The following RYR2 variants were observed in gnomAD, a reference collection of about 807,000 sequenced individuals.
RYR2 encodes the protein ryanodine receptor 2.
Under a neutral mutation model 601.1 loss-of-function variants are expected in RYR2, and 227 were observed. That is an observed-to-expected ratio of 0.38 (90% confidence interval 0.34 to 0.42). The LOEUF (loss-of-function observed/expected upper bound fraction) is 0.42. RYR2 is among the 10% of genes least tolerant of loss of function. The pLI, the probability that RYR2 is intolerant of heterozygous loss-of-function variation, is 1.00. For synonymous variants in RYR2, 2,223 were observed against 2,175.1 expected (o/e 1.02, Z -0.61); for missense variants, 4,646 against 6,156.5 (o/e 0.75, Z 8.21).
At chr1:237,669,083 C>G (rs547961289) in intron 58 of RYR2, among the ~76,000 whole-genome samples, 40 of 148,838 alleles carry the variant, frequency 2.7e-4, no homozygotes, top group East Asian at 1.2e-3. Flanking sequence ...TGACTCTTAA[C>G]GAGCATGCTG....
intron 89 of RYR2, 75 bp downstream of exon 89, chr1:237,781,721 G>A: frequency 1.4e-6 from 1 of 695,630 alleles, no homozygotes; most frequent in Non-Finnish European, 2.4e-6. Flanking sequence ...TGGAATCAGA[G>A]TGTAGCATAG....
intron 1 of RYR2, among the ~76,000 whole-genome samples, chr1:237,149,677 G>A (rs995722691): frequency 6.6e-6 from 1 of 152,168 alleles, no homozygotes; most frequent in Non-Finnish European, 1.5e-5. Context: ...TTACCACAAT[G>A]TATTTGATTA....
intron 1 of RYR2, among the ~76,000 whole-genome samples, chr1:237,198,757 C>T (rs1451116248): frequency 6.6e-5 from 10 of 151,746 alleles, no homozygotes; most frequent in East Asian, 3.9e-4. Flanking sequence ...TTGAAATCCA[C>T]AATTTTTAGG....
Position 237,761,044 on chromosome 1 carries a change from A to T in RYR2, c.11476+16A>T. The T allele has an allele frequency of 6.8e-7, 1 of 1,468,212 alleles. No individual in the cohort carries two copies. The highest frequency in any genetic ancestry group is 9.4e-7 in the Non-Finnish European group (1 of 1,066,534). 90.9% of individuals were successfully genotyped at this position (1,468,212 alleles called of 1,614,324 possible). ...GAAGGATCAGGTATTAATGACTTAC[A>T]TTAAAAGGATCACCTGTCTCCCTTC... is the stretch of plus-strand genomic sequence containing the variant. On this transcript the variant is annotated intron_variant, in intron 84 of 104. Transcript: ENST00000366574.
chr1:237,709,604 T>C, intron 70 of RYR2, 37 bp downstream of exon 70: 1 of 1,307,990 alleles, frequency 7.6e-7, no homozygotes, highest in Admixed American at 1.9e-5. Flanking sequence ...CGCCTACTGT[T>C]TGTAGGCACC....
Position 237,742,450 on chromosome 1 carries a change from G to A in RYR2, c.11145+101G>A, listed in dbSNP as rs559890909. ...GTTTCTTGCTTCATGGCTTATTGCA[G>A]CTTATTGTGTCAAGGAACTGCATGT... On this transcript the variant is annotated intron_variant, in intron 80 of 104. Transcript: ENST00000366574. 38 of 894,316 alleles carry A rather than the reference G, an allele frequency of 4.2e-5. No individual in the cohort carries two copies. In the East Asian group the frequency reaches 9.5e-4, roughly 22 times the overall value. 55.4% of individuals were successfully genotyped at this position (894,316 alleles called of 1,614,324 possible). A position where few individuals can be genotyped will look rare whatever the true frequency, so the allele number is the denominator to read the frequency against.
intron 1 of RYR2, among the ~76,000 whole-genome samples, chr1:237,198,715 G>A (rs934445583): frequency 3.9e-5 from 6 of 151,930 alleles, no homozygotes; most frequent in African/African-American, 1.5e-4. Context: ...ATTCAGCAAA[G>A]GTCAGAATCT....
chr1:237,239,225 G>A (rs913819683), intron 1 of RYR2, among the ~76,000 whole-genome samples: 4 of 152,060 alleles, frequency 2.6e-5, no homozygotes, highest in African/African-American at 9.7e-5. Context: ...GTTTGTCTGG[G>A]GTAATACCCG....
At chr1:237,770,022 C>T (rs1694150375) in intron 84 of RYR2, among the ~76,000 whole-genome samples, 1 of 151,986 alleles carries the variant, frequency 6.6e-6, no homozygotes, top group African/African-American at 2.4e-5. Flanking sequence ...TCTCCTTGCC[C>T]CAAAAATATT....
chr1:237,175,692 G>A lies in RYR2; in HGVS notation c.49-94805G>A, dbSNP rs1349453564. Among the ~76,000 whole-genome samples, 6 of 152,224 alleles carry A rather than the reference G, an allele frequency of 3.9e-5. No homozygotes were observed. In the East Asian group the frequency reaches 9.7e-4, roughly 25 times the overall value. On this transcript the variant is annotated intron_variant, in intron 1 of 104. Transcript: ENST00000366574. ...GGCTTTTGGAGCTTAAAGTATCTCTGATTTCAAGCAGAGTGCCCTGCTAAC... is the reference window on the plus strand; with the variant it reads ...GGCTTTTGGAGCTTAAAGTATCTCTAATTTCAAGCAGAGTGCCCTGCTAAC...
intron 10 of RYR2, among the ~76,000 whole-genome samples, chr1:237,399,554 C>T (rs1320763302): frequency 1.3e-5 from 2 of 152,146 alleles, no homozygotes; most frequent in Non-Finnish European, 2.9e-5. Context: ...GTTTAATGCT[C>T]TCAGCAAGGC....
At position 237,535,355 on chromosome 1, in the gene RYR2, C is replaced by T. The variant is rs78937375; in HGVS notation, c.2906+4845C>T. On this transcript the variant is annotated intron_variant, in intron 25 of 104. Coordinates refer to ENST00000366574, the MANE Select transcript of RYR2 (RefSeq NM_001035.3). ...CTTAGGAATATTTTGAAAAATGTAACAAATGTACATTAAAACTTTCTAAAG... is the reference window on the plus strand; with the variant it reads ...CTTAGGAATATTTTGAAAAATGTAATAAATGTACATTAAAACTTTCTAAAG... Among the ~76,000 whole-genome samples, 1,424 of 151,878 alleles carry T rather than the reference C, an allele frequency of 9.4e-3. 25 individuals carry two copies. The highest frequency in any genetic ancestry group is 0.032 in the African/African-American group (1,342 of 41,438).
chr1:237,060,558 A>G (rs1238632174), intron 1 of RYR2, among the ~76,000 whole-genome samples: 1 of 152,114 alleles, frequency 6.6e-6, no homozygotes, highest in Non-Finnish European at 1.5e-5. Flanking sequence ...CCTCTCTAGC[A>G]CCCCCTCCCA....
rs552496726 is a variant in RYR2, at chr1:237,578,605, A to G, written c.3598+9286A>G. Among the ~76,000 whole-genome samples, 230 of 152,324 alleles carry G rather than the reference A, an allele frequency of 1.5e-3. 2 individuals are homozygous for G. The highest frequency in any genetic ancestry group is 3.4e-3 in the Middle Eastern group (1 of 294). On this transcript the variant is annotated intron_variant, in intron 29 of 104. Transcript: ENST00000366574. ...AGATTTCTGAACTAGAGTTGATGCA[A>G]TGCCCCTTTTGGAGGTATTATTTTT...
At chr1:237,050,863 T>C (rs993672261) in intron 1 of RYR2, among the ~76,000 whole-genome samples, 5 of 152,210 alleles carry the variant, frequency 3.3e-5, no homozygotes, top group Non-Finnish European at 7.3e-5. Context: ...AGGTTTCTGG[T>C]TTTCAAAATA....
chr1:237,632,455 C>T (rs1033253961), intron 42 of RYR2, among the ~76,000 whole-genome samples: 5 of 142,930 alleles, frequency 3.5e-5, no homozygotes, highest in African/African-American at 1.0e-4. Flanking sequence ...AGTGCAGTGG[C>T]GTGATCTCAG....
At chr1:237,625,118 C>G (rs1220487473) in intron 39 of RYR2, among the ~76,000 whole-genome samples, 1 of 151,438 alleles carries the variant, frequency 6.6e-6, no homozygotes, top group Non-Finnish European at 1.5e-5. Context: ...TACTAGAATT[C>G]TAGTATCCCT....
intron 1 of RYR2, among the ~76,000 whole-genome samples, chr1:237,071,731 C>A (rs1468818997): frequency 6.6e-6 from 1 of 152,202 alleles, no homozygotes; most frequent in Non-Finnish European, 1.5e-5. Flanking sequence ...TGCCTAGGAA[C>A]CTGTTTGCCC....
chr1:237,107,474 C>A (rs928543050), intron 1 of RYR2, among the ~76,000 whole-genome samples: 2 of 134,466 alleles, frequency 1.5e-5, no homozygotes, highest in East Asian at 4.4e-4. Context: ...GAGCCGAGAT[C>A]GCACCACTGC....
Sources: gnomAD v4.1 joint callset for allele counts (sites outside exome capture counted in the v4.1 genomes callset) on GRCh38, gnomAD v4.1.1 for gene constraint, MANE v1.5 for transcripts, NCBI Gene and HGNC (gene_info 2026-07-23, HGNC 2026-07-21) for gene names.